The following ZMAT4 variants were observed in gnomAD, a reference collection of about 807,000 sequenced individuals.
ZMAT4 encodes zinc finger matrin-type protein 4.
A neutral mutation model predicts 28.7 loss-of-function variants in ZMAT4; 17 were observed. The ratio of observed to expected loss-of-function variants is 0.59; its 90% CI spans 0.41 to 0.89. The LOEUF (loss-of-function observed/expected upper bound fraction) is 0.89. ZMAT4 is among the 40% of genes least tolerant of loss of function. ZMAT4 has a pLI of 0.00. For synonymous variants in ZMAT4, 117 were observed against 109.2 expected (o/e 1.07, Z -0.44); for missense variants, 240 against 283.8 (o/e 0.85, Z 1.11).
In ZMAT4 at chr8:40,687,043, G is replaced by GT. The variant is rs1809440922; in HGVS notation, c.349+10201dup. Among the ~76,000 whole-genome samples, 3 of 152,266 alleles carry GT rather than the reference G, an allele frequency of 2.0e-5. No individual in the cohort carries two copies. The South Asian group carries it at 6.2e-4, about 32-fold the overall frequency. On this transcript the variant is annotated intron_variant, in intron 4 of 6. Transcript: ENST00000297737. ...TGGTGGCATGTTCCTGTAGCTGGTC[G>GT]TAAGTTTGCTGACACTCCAGCAGTC...
chr8:40,852,343 A>G (rs1165911208), intron 1 of ZMAT4, among the ~76,000 whole-genome samples: 2 of 152,224 alleles, frequency 1.3e-5, no homozygotes, highest in Non-Finnish European at 2.9e-5. Flanking sequence ...TCATTTTAAA[A>G]AGCTGTATTT....
chr8:40,683,172 G>C (rs907785390), intron 4 of ZMAT4, among the ~76,000 whole-genome samples: 2 of 152,150 alleles, frequency 1.3e-5, no homozygotes, highest in African/African-American at 2.4e-5. Context: ...ACTTACATAA[G>C]AGAAGAAATC....
chr8:40,594,080 C>A (rs756593885), intron 5 of ZMAT4, among the ~76,000 whole-genome samples: 2 of 152,122 alleles, frequency 1.3e-5, no homozygotes, highest in Non-Finnish European at 2.9e-5. Flanking sequence ...AGACAGTGGC[C>A]CCCGAGGCAC....
At chr8:40,608,852 G>A (rs1403406726) in intron 5 of ZMAT4, among the ~76,000 whole-genome samples, 2 of 152,204 alleles carry the variant, frequency 1.3e-5, no homozygotes, top group South Asian at 4.1e-4. Context: ...TGGACCATCA[G>A]TTTCCCCAGT....
intron 2 of ZMAT4, among the ~76,000 whole-genome samples, chr8:40,787,652 G>C (rs533494100): frequency 1.3e-5 from 2 of 152,248 alleles, no homozygotes; most frequent in Non-Finnish European, 2.9e-5. Context: ...AGTCAAGTAA[G>C]GGTGACTTGG....
intron 6 of ZMAT4, among the ~76,000 whole-genome samples, chr8:40,565,863 C>A (rs1240720561): frequency 6.6e-6 from 1 of 151,804 alleles, no homozygotes; most frequent in Admixed American, 6.6e-5. Flanking sequence ...TCACCCAACA[C>A]CACACTCCTG....
chr8:40,676,418 G>C (rs1179679990), intron 4 of ZMAT4, among the ~76,000 whole-genome samples: 2 of 152,130 alleles, frequency 1.3e-5, no homozygotes, highest in African/African-American at 4.8e-5. Context: ...CAGTATAGCA[G>C]CATCCTGTGT....
intron 2 of ZMAT4, chr8:40,786,658 C>A (rs1814099996): frequency 3.9e-6 from 5 of 1,275,024 alleles, no homozygotes; most frequent in Non-Finnish European, 5.1e-6. Flanking sequence ...CATTAACCAT[C>A]CTCATTCAGT....
intron 5 of ZMAT4, among the ~76,000 whole-genome samples, chr8:40,653,699 AC>A (rs1454375569): frequency 2.6e-5 from 4 of 152,198 alleles, no homozygotes; most frequent in African/African-American, 9.6e-5. Context: ...GAAAGAAACT[AC>A]CAAAACTGAC....
intron 2 of ZMAT4, among the ~76,000 whole-genome samples, chr8:40,796,167 A>G (rs1308404015): frequency 6.6e-6 from 1 of 152,186 alleles, no homozygotes; most frequent in Non-Finnish European, 1.5e-5. Context: ...GAAAGCCTGT[A>G]TATCAACAGA....
chr8:40,743,774 G>A (rs1160112633), intron 3 of ZMAT4, among the ~76,000 whole-genome samples: 1 of 152,054 alleles, frequency 6.6e-6, no homozygotes, highest in Non-Finnish European at 1.5e-5. Context: ...GGGGCACGGG[G>A]AAGGAGCGGC....
intron 2 of ZMAT4, among the ~76,000 whole-genome samples, chr8:40,793,205 G>C (rs1316171527): frequency 6.6e-6 from 1 of 152,168 alleles, no homozygotes; most frequent in Non-Finnish European, 1.5e-5. Context: ...GGGTACATGG[G>C]TACTTTCGCT....
chr8:40,667,550 G>C (rs114839784), intron 5 of ZMAT4, among the ~76,000 whole-genome samples: 2 of 152,136 alleles, frequency 1.3e-5, no homozygotes, highest in Non-Finnish European at 2.9e-5. Flanking sequence ...TCATCTCCAC[G>C]TAAGCAGTTT....
intron 1 of ZMAT4, among the ~76,000 whole-genome samples, chr8:40,878,637 A>G (rs2150660945): frequency 6.6e-6 from 1 of 152,330 alleles, no homozygotes; most frequent in Non-Finnish European, 1.5e-5. Flanking sequence ...GTATAAGAAA[A>G]TTATCTCTGT....
intron 4 of ZMAT4, among the ~76,000 whole-genome samples, chr8:40,691,402 T>A (rs1809655583): frequency 1.1e-5 from 1 of 89,576 alleles, no homozygotes; most frequent in African/African-American, 4.1e-5. Flanking sequence ...CTAAATAGAC[T>A]GCAAAAAAAA....
intron 1 of ZMAT4, among the ~76,000 whole-genome samples, chr8:40,842,978 T>C (rs1269073602): frequency 6.6e-6 from 1 of 152,164 alleles, no homozygotes; most frequent in Non-Finnish European, 1.5e-5. Context: ...GGTTTCGCCA[T>C]GTTGGCTAGG....
At chr8:40,752,642 C>T (rs930416775) in intron 3 of ZMAT4, among the ~76,000 whole-genome samples, 2 of 152,166 alleles carry the variant, frequency 1.3e-5, no homozygotes, top group Admixed American at 1.3e-4. Flanking sequence ...TTGGAAACCT[C>T]CTTTGGTCTT....
chr8:40,783,985 CT>C (rs1813954619), intron 2 of ZMAT4, among the ~76,000 whole-genome samples: 1 of 152,032 alleles, frequency 6.6e-6, no homozygotes, highest in Non-Finnish European at 1.5e-5. Context: ...CACTCCAGCC[CT>C]GGCAACAAGA....
intron 3 of ZMAT4, among the ~76,000 whole-genome samples, chr8:40,723,835 G>A (rs1403906417): frequency 6.6e-6 from 1 of 152,144 alleles, no homozygotes; most frequent in Admixed American, 6.5e-5. Context: ...CTGGTGGAGA[G>A]GGGGACTGTG....
Sources: gnomAD v4.1 joint callset for allele counts (sites outside exome capture counted in the v4.1 genomes callset) on GRCh38, gnomAD v4.1.1 for gene constraint, MANE v1.5 for transcripts, NCBI Gene and HGNC (gene_info 2026-07-23, HGNC 2026-07-21) for gene names.